SATB2: variants seen among roughly 807,000 people sequenced by gnomAD.
SATB2 encodes SATB homeobox 2, also known as DNA-binding protein SATB2.
A neutral mutation model predicts 73.4 loss-of-function variants in SATB2; 1 was observed. That is an observed-to-expected ratio of 0.01 (90% CI 0.00 to 0.06). The LOEUF (loss-of-function observed/expected upper bound fraction) is 0.06, where lower values mean the gene tolerates loss of function less well. Among genes scored for constraint, SATB2 ranks in the 10% least tolerant of loss-of-function variants. The pLI, the probability that SATB2 is intolerant of heterozygous loss-of-function variation, is 1.00. For missense variants in SATB2, 459 were observed against 945.8 expected (o/e 0.49, Z 6.75); for synonymous variants, 397 against 367.0 (o/e 1.08, Z -0.93).
At chr2:199,292,131 T>C (rs1166488766) in intron 10 of SATB2, among the ~76,000 whole-genome samples, 3 of 152,014 alleles carry the variant, frequency 2.0e-5, no homozygotes, top group Admixed American at 1.3e-4. Flanking sequence ...CCACACATAG[T>C]GGAGCAATGG....
intron 5 of SATB2, among the ~76,000 whole-genome samples, chr2:199,373,275 C>T (rs2105856269): frequency 6.6e-6 from 1 of 151,986 alleles, no homozygotes; most frequent in African/African-American, 2.4e-5. Context: ...CCTTTTCAAT[C>T]TGCTTGGTGA....
chr2:199,391,014 T>G (rs1690116258), intron 3 of SATB2, among the ~76,000 whole-genome samples: 1 of 152,226 alleles, frequency 6.6e-6, no homozygotes, highest in African/African-American at 2.4e-5. Flanking sequence ...TTGTACATTT[T>G]TATTCATGTT....
intron 3 of SATB2, chr2:199,396,862 C>G (rs1164656190): frequency 2.0e-5 from 3 of 152,152 alleles, no homozygotes; most frequent in Non-Finnish European, 4.4e-5. Flanking sequence ...TGCAACCGCC[C>G]TCATCTTTTT....
At chr2:199,426,606 C>T (rs1241202164) in intron 3 of SATB2, among the ~76,000 whole-genome samples, 1 of 147,654 alleles carries the variant, frequency 6.8e-6, no homozygotes. Flanking sequence ...CCATTTTAAA[C>T]ATTTTCAATA....
intron 3 of SATB2, among the ~76,000 whole-genome samples, chr2:199,386,495 A>C (rs1401735200): frequency 6.6e-6 from 1 of 152,196 alleles, no homozygotes; most frequent in African/African-American, 2.4e-5. Flanking sequence ...TGTAGTGAAC[A>C]AGGACAAAGA....
At position 199,333,222 on chromosome 2, in the gene SATB2, G is replaced by A. The variant is rs943254656; in HGVS notation, c.1174-4312C>T. On this transcript the variant is annotated intron_variant, in intron 7 of 10. Transcript: ENST00000417098. ...TATGATTGAATACAAAGTTCTGAGA[G>A]GGATGAAGAGACTTAATAAGGGACA... Among the ~76,000 whole-genome samples the A allele has an allele frequency of 5.9e-5, 9 of 152,002 alleles. No homozygotes were observed. The South Asian group carries it at 1.5e-3, about 25-fold the overall frequency.
intron 5 of SATB2, among the ~76,000 whole-genome samples, chr2:199,375,483 G>T (rs1403560029): frequency 1.3e-5 from 2 of 152,144 alleles, no homozygotes; most frequent in African/African-American, 4.8e-5. Context: ...ATATATATAT[G>T]CCTCAGGCTA....
intron 3 of SATB2, among the ~76,000 whole-genome samples, chr2:199,386,998 T>C (rs1468088982): frequency 1.3e-5 from 2 of 152,168 alleles, no homozygotes; most frequent in Non-Finnish European, 2.9e-5. Flanking sequence ...TCTTGGTTGG[T>C]TTGTATACCT....
chr2:199,386,700 GCGCGCGCGCGCGCGCGCACACACACA>G (rs1559021570), intron 3 of SATB2, among the ~76,000 whole-genome samples: 45 of 2,152 alleles, frequency 0.021, no homozygotes, highest in East Asian at 0.15. Flanking sequence ...GCGCAAGCGC[GCGCGCGCGCGCGCGCGCACACACACA>G]CACACACACA....
intron 3 of SATB2, among the ~76,000 whole-genome samples, chr2:199,393,086 G>A (rs1471589015): frequency 6.6e-6 from 1 of 152,084 alleles, no homozygotes; most frequent in African/African-American, 2.4e-5. Context: ...GCCATCTGTA[G>A]GAGTGTCCGC....
chr2:199,437,134 CT>C (rs2105933177), intron 2 of SATB2, among the ~76,000 whole-genome samples: 1 of 152,040 alleles, frequency 6.6e-6, no homozygotes, highest in African/African-American at 2.4e-5. Flanking sequence ...TATTATTTTT[CT>C]TTTATTGTAG....
At chr2:199,466,795 TC>T (rs1217592407), upstream of SATB2, among the ~76,000 whole-genome samples, 1 of 152,262 alleles carries the variant, frequency 6.6e-6, no homozygotes, top group African/African-American at 2.4e-5. Context: ...CCAGTTTTAT[TC>T]TTTTTCTGTC....
intron 8 of SATB2, among the ~76,000 whole-genome samples, chr2:199,327,674 A>G (rs1688069291): frequency 6.6e-6 from 1 of 152,138 alleles, no homozygotes; most frequent in South Asian, 2.1e-4. Context: ...GGAGCTTTGA[A>G]GCACACATTA....
At chr2:199,452,652 C>T (rs1226774141) in intron 2 of SATB2, among the ~76,000 whole-genome samples, 2 of 152,076 alleles carry the variant, frequency 1.3e-5, no homozygotes, top group African/African-American at 2.4e-5. Flanking sequence ...TGAGAGGGGA[C>T]GCCAATTCTA....
intron 8 of SATB2, among the ~76,000 whole-genome samples, chr2:199,327,198 G>A (rs1249425122): frequency 6.6e-6 from 1 of 152,146 alleles, no homozygotes; most frequent in East Asian, 1.9e-4. Context: ...CCAGCACTTT[G>A]CAAGGCCGAG....
At chr2:199,459,923 T>TC (rs1467751447), upstream of SATB2, 1 of 152,016 alleles carries the variant, frequency 6.6e-6, no homozygotes, top group African/African-American at 2.4e-5. This position sits in a 1 kb window ranked among gnomAD's most constrained non-coding sequence, Gnocchi z 4.2. Flanking sequence ...AGAGAAAGGG[T>TC]CCCAGGAAGG....
chr2:199,335,951 C>T (rs1468211215), intron 7 of SATB2, among the ~76,000 whole-genome samples: 1 of 152,126 alleles, frequency 6.6e-6, no homozygotes, highest in Non-Finnish European at 1.5e-5. Flanking sequence ...GTAGATACAA[C>T]AGAGCATTCT....
chr2:199,296,964 A>C (rs1687119980), intron 10 of SATB2, among the ~76,000 whole-genome samples: 1 of 152,240 alleles, frequency 6.6e-6, no homozygotes. Context: ...CATATAGAAA[A>C]ATTTTAAATA....
chr2:199,418,380 G>A (rs1003993198), intron 3 of SATB2, among the ~76,000 whole-genome samples: 1 of 152,158 alleles, frequency 6.6e-6, no homozygotes, highest in Non-Finnish European at 1.5e-5. Context: ...AGTGAGCGAA[G>A]TCATCGTGAT....
Sources: gnomAD v4.1 joint callset for allele counts (sites outside exome capture counted in the v4.1 genomes callset) on GRCh38, gnomAD v4.1.1 for gene constraint, Gnocchi (gnomAD v3.1) non-coding constraint, MANE v1.5 for transcripts, NCBI Gene and HGNC (gene_info 2026-07-23, HGNC 2026-07-21) for gene names.